Variants in FBXL17 observed in about 807,000 individuals in gnomAD.
FBXL17 encodes F-box/LRR-repeat protein 17.
A neutral mutation model predicts 66.2 loss-of-function variants in FBXL17; 22 were observed. That is an observed-to-expected ratio of 0.33 (90% CI 0.24 to 0.47). The LOEUF (loss-of-function observed/expected upper bound fraction) is 0.47, where lower values mean the gene tolerates loss of function less well. Ranked by LOEUF, FBXL17 falls within the 20% of genes least tolerant of loss-of-function variation. The pLI is 1.00. For synonymous variants in FBXL17, 474 were observed against 400.5 expected (o/e 1.18, Z -2.19); for missense variants, 878 against 948.2 (o/e 0.93, Z 0.97).
chr5:108,090,936 C>A (rs1749164845), intron 6 of FBXL17, among the ~76,000 whole-genome samples: 1 of 152,188 alleles, frequency 6.6e-6, no homozygotes, highest in South Asian at 2.1e-4. Flanking sequence ...TCACTATCAT[C>A]TCTTTTTGTA....
At chr5:108,228,125 T>C (rs1192719561) in intron 4 of FBXL17, among the ~76,000 whole-genome samples, 1 of 152,090 alleles carries the variant, frequency 6.6e-6, no homozygotes, top group African/African-American at 2.4e-5. Context: ...GCAATCAGAA[T>C]AAGATAGCTC....
At chr5:108,221,656 T>G (rs1754870571) in intron 5 of FBXL17, among the ~76,000 whole-genome samples, 1 of 152,180 alleles carries the variant, frequency 6.6e-6, no homozygotes, top group Admixed American at 6.5e-5. Context: ...TTATTTATTA[T>G]GTACTATGAT....
intron 7 of FBXL17, among the ~76,000 whole-genome samples, chr5:107,989,702 T>C (rs1331377625): frequency 3.3e-5 from 5 of 152,158 alleles, no homozygotes; most frequent in Non-Finnish European, 7.4e-5. Flanking sequence ...TTAGTTTTTT[T>C]TGGGAACCTC....
chr5:108,317,195 T>C (rs1759405306), intron 4 of FBXL17, among the ~76,000 whole-genome samples: 1 of 151,304 alleles, frequency 6.6e-6, no homozygotes, highest in Non-Finnish European at 1.5e-5. Flanking sequence ...ACAAATCGGT[T>C]CCCCCAAAAT....
chr5:108,242,681 T>C (rs1408377448), intron 4 of FBXL17, among the ~76,000 whole-genome samples: 1 of 152,216 alleles, frequency 6.6e-6, no homozygotes, highest in Non-Finnish European at 1.5e-5. Context: ...AACAGTCTTT[T>C]AGCTTCAACA....
At chr5:108,006,141 A>T (rs979701175) in intron 7 of FBXL17, among the ~76,000 whole-genome samples, 1 of 152,254 alleles carries the variant, frequency 6.6e-6, no homozygotes, top group Non-Finnish European at 1.5e-5. Flanking sequence ...TTAAATTTTA[A>T]TGTTTCTTTT....
intron 7 of FBXL17, among the ~76,000 whole-genome samples, chr5:107,987,082 G>C (rs1345422869): frequency 6.6e-6 from 1 of 151,956 alleles, no homozygotes; most frequent in Non-Finnish European, 1.5e-5. Flanking sequence ...TGAAAGAATG[G>C]CTGAAAATGA....
intron 6 of FBXL17, among the ~76,000 whole-genome samples, chr5:108,062,646 A>G (rs949266758): frequency 7.4e-4 from 112 of 152,282 alleles, no homozygotes; most frequent in African/African-American, 2.7e-3. Context: ...TAAACCTAGG[A>G]ATTTAAACGC....
At chr5:108,328,362 G>A (rs1420360730) in intron 4 of FBXL17, among the ~76,000 whole-genome samples, 1 of 152,058 alleles carries the variant, frequency 6.6e-6, no homozygotes, top group East Asian at 1.9e-4. Flanking sequence ...TGGAGATGAA[G>A]AGAAGTATGT....
intron 7 of FBXL17, among the ~76,000 whole-genome samples, chr5:107,922,967 T>C (rs1311942442): frequency 6.6e-6 from 1 of 152,220 alleles, no homozygotes; most frequent in Non-Finnish European, 1.5e-5. Flanking sequence ...TGTTTCTGTC[T>C]AGTGCCTAAA....
chr5:107,970,612 G>A (rs1169458996), intron 7 of FBXL17, among the ~76,000 whole-genome samples: 1 of 152,194 alleles, frequency 6.6e-6, no homozygotes, highest in Non-Finnish European at 1.5e-5. Flanking sequence ...GCTCCTGCAT[G>A]CATGGCTCTC....
intron 3 of FBXL17, among the ~76,000 whole-genome samples, chr5:108,355,777 A>G (rs1747947955): frequency 6.6e-6 from 1 of 152,204 alleles, no homozygotes; most frequent in Non-Finnish European, 1.5e-5. Flanking sequence ...AAAATGCTCA[A>G]TTACAACCAC....
chr5:107,987,615 T>C (rs111979586), intron 7 of FBXL17, among the ~76,000 whole-genome samples: 331 of 152,096 alleles, frequency 2.2e-3, no homozygotes, highest in African/African-American at 7.3e-3. Flanking sequence ...TCTTTGCATA[T>C]TGTGTGTCCA....
At chr5:108,216,287 C>T (rs58537065) in intron 5 of FBXL17, among the ~76,000 whole-genome samples, 7,536 of 151,934 alleles carry the variant, frequency 0.05, 627 homozygotes, top group African/African-American at 0.17. Context: ...AGTAATACTG[C>T]CATCTTAACA....
chr5:107,993,972 A>G (rs1278055175), intron 7 of FBXL17, among the ~76,000 whole-genome samples: 1 of 152,218 alleles, frequency 6.6e-6, no homozygotes, highest in African/African-American at 2.4e-5. Context: ...GCTGTGGTAT[A>G]GAAGTTAAAA....
chr5:107,877,803 T>C (rs1338682354), intron 8 of FBXL17, among the ~76,000 whole-genome samples: 1 of 152,070 alleles, frequency 6.6e-6, no homozygotes, highest in Non-Finnish European at 1.5e-5. Flanking sequence ...TTAGCAGATT[T>C]GGTTAAGGTA....
Position 108,224,816 on chromosome 5 carries a change from C to T in FBXL17, c.1507-588G>A, listed in dbSNP as rs543236990. Among the ~76,000 whole-genome samples, 127 of 151,920 alleles carry T rather than the reference C, an allele frequency of 8.4e-4. 2 individuals carry two copies. The highest frequency in any genetic ancestry group is 1.8e-3 in the African/African-American group (76 of 41,408). ...TTTTGTTTTGTATTTTTAGTGGAGA[C>T]GGGGTTTCACCATGTTGGCCAGGTT... On this transcript the variant is annotated intron_variant, in intron 4 of 8. Transcript: ENST00000542267.
chr5:108,225,301 A>G (rs1755054482), intron 4 of FBXL17, among the ~76,000 whole-genome samples: 1 of 152,188 alleles, frequency 6.6e-6, no homozygotes, highest in Non-Finnish European at 1.5e-5. Context: ...CTACATTTTT[A>G]TGGGTTGAAT....
chr5:108,350,066 G>A (rs1001656761), intron 3 of FBXL17, among the ~76,000 whole-genome samples: 1 of 152,040 alleles, frequency 6.6e-6, no homozygotes, highest in African/African-American at 2.4e-5. Flanking sequence ...ATTAAAAGAG[G>A]CATATATATT....
Sources: gnomAD v4.1 joint callset for allele counts (sites outside exome capture counted in the v4.1 genomes callset) on GRCh38, gnomAD v4.1.1 for gene constraint, MANE v1.5 for transcripts, NCBI Gene and HGNC (gene_info 2026-07-23, HGNC 2026-07-21) for gene names.